The following ATRNL1 variants were observed in gnomAD, a reference collection of about 807,000 sequenced individuals.
The protein encoded by ATRNL1 is attractin like 1.
In ATRNL1, 95 loss-of-function variants were observed where a neutral mutation model predicts 182.7. The ratio of observed to expected loss-of-function variants is 0.52; its 90% CI spans 0.44 to 0.62. The LOEUF (loss-of-function observed/expected upper bound fraction) is 0.62. Ranked by LOEUF, ATRNL1 falls within the 20% of genes least tolerant of loss-of-function variation. ATRNL1 has a pLI of 0.00. For missense variants in ATRNL1, 1,471 were observed against 1,679.5 expected (o/e 0.88, Z 2.17); for synonymous variants, 576 against 568.3 (o/e 1.01, Z -0.19).
chr10:115,756,186 T>C (rs1223448262), intron 27 of ATRNL1, among the ~76,000 whole-genome samples: 1 of 152,176 alleles, frequency 6.6e-6, no homozygotes, highest in Non-Finnish European at 1.5e-5. Context: ...GCTCTGATCT[T>C]ATTTCTTGTC....
chr10:115,409,326 C>G (rs1845016739), intron 20 of ATRNL1, among the ~76,000 whole-genome samples: 1 of 151,998 alleles, frequency 6.6e-6, no homozygotes, highest in South Asian at 2.1e-4. Flanking sequence ...GTTAGTTATT[C>G]TAGATGAGAT....
chr10:115,469,318 A>G lies in ATRNL1; in HGVS notation c.3643A>G (p.Ile1215Val), dbSNP rs1388241795. Residue 1215 changes from isoleucine to valine, a missense_variant, in exon 24 of 29, where the codon ATT becomes GTT. By Grantham distance (29) the Ile-to-Val change is conservative. Coordinates refer to ENST00000355044, the MANE Select transcript of ATRNL1 (RefSeq NM_207303.4). ...YVYVSNFSWP[I>V]KIQIAFSQHN... The stretch of plus-strand genomic sequence containing the variant: ...GTACGTCAGCAACTTTTCCTGGCCT[A>G]TTAAAATACAGGTAAGTGTTAAGAG... The G allele has an allele frequency of 3.3e-6, 5 of 1,523,886 alleles. No individual in the cohort carries two copies. Among genetic ancestry groups the G allele is most frequent in the South Asian group, 2.6e-5 (2 of 78,050 alleles). 94.4% of individuals were successfully genotyped at this position (1,523,886 alleles called of 1,614,324 possible).
At chr10:115,339,889 T>G (rs536899408) in intron 19 of ATRNL1, among the ~76,000 whole-genome samples, 2 of 152,276 alleles carry the variant, frequency 1.3e-5, no homozygotes, top group African/African-American at 4.8e-5. Flanking sequence ...ATCCCCAATT[T>G]TTTGAGGGTT....
intron 9 of ATRNL1, among the ~76,000 whole-genome samples, chr10:115,228,463 A>G (rs974604356): frequency 3.9e-5 from 6 of 152,176 alleles, no homozygotes; most frequent in Admixed American, 6.5e-5. Context: ...TAAATGAGGC[A>G]TCTCATAACT....
At chr10:115,292,707 T>C (rs1163738417) in intron 15 of ATRNL1, among the ~76,000 whole-genome samples, 2 of 152,148 alleles carry the variant, frequency 1.3e-5, no homozygotes, top group African/African-American at 2.4e-5. Flanking sequence ...TTTTATTCCA[T>C]TGTGGTCATG....
At chr10:115,645,936 T>A (rs1231449015) in intron 26 of ATRNL1, among the ~76,000 whole-genome samples, 2 of 151,948 alleles carry the variant, frequency 1.3e-5, no homozygotes, top group African/African-American at 4.8e-5. Flanking sequence ...AATTGGTACT[T>A]GAAACCAGAT....
chr10:115,745,273 C>T (rs1490443288), intron 27 of ATRNL1, among the ~76,000 whole-genome samples: 4 of 152,018 alleles, frequency 2.6e-5, no homozygotes, highest in African/African-American at 9.7e-5. Flanking sequence ...TAGCACAATA[C>T]TTTCAATGAG....
intron 27 of ATRNL1, among the ~76,000 whole-genome samples, chr10:115,775,742 G>C (rs1325912717): frequency 6.6e-6 from 1 of 151,990 alleles, no homozygotes; most frequent in African/African-American, 2.4e-5. Flanking sequence ...TGATCACAAG[G>C]TTAGGAGTTC....
chr10:115,888,915 G>A (rs909060415), intron 28 of ATRNL1, among the ~76,000 whole-genome samples: 1 of 152,134 alleles, frequency 6.6e-6, no homozygotes, highest in South Asian at 2.1e-4. Flanking sequence ...TCGTTGGCTG[G>A]AACTAGTAAT....
chr10:115,653,201 A>G (rs1860120743), intron 26 of ATRNL1, among the ~76,000 whole-genome samples: 1 of 152,174 alleles, frequency 6.6e-6, no homozygotes, highest in Non-Finnish European at 1.5e-5. Context: ...AAAGTGTTAT[A>G]TTGGCTGTTT....
At chr10:115,491,425 T>G (rs1849295489) in intron 24 of ATRNL1, among the ~76,000 whole-genome samples, 2 of 151,558 alleles carry the variant, frequency 1.3e-5, no homozygotes, top group South Asian at 2.1e-4. Context: ...CTGCCTTTTT[T>G]TTTTCAGAGA....
intron 1 of ATRNL1, among the ~76,000 whole-genome samples, chr10:115,095,129 C>T (rs2084978205): frequency 6.6e-6 from 1 of 152,168 alleles, no homozygotes; most frequent in South Asian, 2.1e-4. Context: ...CTTCTAACAA[C>T]ATGCAGGTAA....
intron 19 of ATRNL1, among the ~76,000 whole-genome samples, chr10:115,393,451 A>T (rs1554954816): frequency 6.6e-6 from 1 of 152,194 alleles, no homozygotes. Flanking sequence ...ATTTTGACTC[A>T]TTCACTTAAT....
At chr10:115,689,498 A>C (rs538166002) in intron 26 of ATRNL1, among the ~76,000 whole-genome samples, 3 of 152,252 alleles carry the variant, frequency 2.0e-5, no homozygotes, top group African/African-American at 7.2e-5. Flanking sequence ...TTTTCCTCTA[A>C]GAACTGTTCT....
At chr10:115,153,899 A>C (rs1290447541) in intron 5 of ATRNL1, among the ~76,000 whole-genome samples, 2 of 151,688 alleles carry the variant, frequency 1.3e-5, no homozygotes, top group Non-Finnish European at 2.9e-5. Flanking sequence ...AATGTGTCCC[A>C]GAGATTGTGT....
Position 115,340,766 on chromosome 10 carries a change from C to A in ATRNL1, c.3175+6347C>A, listed in dbSNP as rs150224260. Among the ~76,000 whole-genome samples, 9 of 151,724 alleles carry A rather than the reference C, an allele frequency of 5.9e-5. No individual in the cohort carries two copies. The East Asian group carries it at 1.5e-3, about 26-fold the overall frequency. On this transcript the variant is annotated intron_variant, in intron 19 of 28. Transcript: ENST00000355044. ...CCAGTTCAATCTCGGTAGGTTGTATCTGTGTAGGAATTTTTTATTTCTTCT... is the reference window on the plus strand; with the variant it reads ...CCAGTTCAATCTCGGTAGGTTGTATATGTGTAGGAATTTTTTATTTCTTCT...
At chr10:115,900,081 A>T (rs1215323807) in intron 28 of ATRNL1, among the ~76,000 whole-genome samples, 2 of 152,184 alleles carry the variant, frequency 1.3e-5, no homozygotes, top group Non-Finnish European at 2.9e-5. Context: ...ACCAATTTTA[A>T]AAAGTGGAGA....
intron 20 of ATRNL1, among the ~76,000 whole-genome samples, chr10:115,421,942 A>G (rs1845668206): frequency 6.6e-6 from 1 of 152,154 alleles, no homozygotes; most frequent in Non-Finnish European, 1.5e-5. Context: ...ACAAGTAGTG[A>G]TGAAAGGACT....
intron 1 of ATRNL1, among the ~76,000 whole-genome samples, chr10:115,117,763 C>T (rs782705445): frequency 2.6e-5 from 4 of 151,958 alleles, no homozygotes; most frequent in South Asian, 2.1e-4. Context: ...TTTACTTTTA[C>T]GAGGAACCTC....
Sources: allele counts gnomAD v4.1 joint callset (sites outside exome capture counted in the v4.1 genomes callset), GRCh38; gene constraint gnomAD v4.1.1; transcripts MANE v1.5; gene names NCBI Gene and HGNC (gene_info 2026-07-23, HGNC 2026-07-21).